The following TXLNB variants were observed in gnomAD, a reference collection of about 807,000 sequenced individuals.
The protein encoded by TXLNB is taxilin beta, also known as beta-taxilin.
Under a neutral mutation model 57.4 loss-of-function variants are expected in TXLNB, and 37 were observed. That is an observed-to-expected ratio of 0.64 (90% CI 0.50 to 0.85). The LOEUF (loss-of-function observed/expected upper bound fraction) is 0.85, where lower values mean the gene tolerates loss of function less well. TXLNB is among the 40% of genes least tolerant of loss of function. TXLNB has a pLI of 0.00. For synonymous variants in TXLNB, 302 were observed against 309.6 expected, an observed-to-expected ratio of 0.98 and a Z score of 0.26; for missense variants, 848 against 825.6, an observed-to-expected ratio of 1.03 and a Z score of -0.33.
intron 4 of TXLNB, among the ~76,000 whole-genome samples, chr6:139,268,633 T>C (rs1423916661): frequency 1.3e-5 from 2 of 152,238 alleles, no homozygotes; most frequent in East Asian, 3.8e-4. Flanking sequence ...CCAATTTGGA[T>C]TGCTGAGTGT....
At position 139,262,616 on chromosome 6, in the gene TXLNB, A is replaced by G; in HGVS notation, c.845T>C (p.Leu282Pro). 1 of 1,614,032 alleles carries G rather than the reference A, an allele frequency of 6.2e-7. No homozygotes were observed. Among genetic ancestry groups the G allele is most frequent in the Non-Finnish European group, 8.5e-7 (1 of 1,179,970 alleles). ...CQENTELAEK[L>P]KSIIDQYELR... ...CTCATACTGATCGATGATGCTTTTC[A>G]GCTTTTCTGCAAGCTCTGTGTTCTC... Residue 282 changes from leucine (L) to proline (P), a missense_variant, in exon 5 of 10, where the codon CTG becomes CCG. Physicochemically the swap from Leu to Pro is moderately conservative, Grantham distance 98. Transcript: ENST00000358430.
the TXLNB span, among the ~76,000 whole-genome samples, chr6:139,308,917 GTCT>G: frequency 1.1e-4 from 17 of 152,122 alleles, no homozygotes; most frequent in Non-Finnish European, 1.6e-4. Flanking sequence ...TAGCATCCAA[GTCT>G]TCTTTCTATT....
rs1278178708 is a variant in TXLNB at position 139,284,610 on chromosome 6, A to G, written c.424+3866T>C. Among the ~76,000 whole-genome samples the G allele has an allele frequency of 2.1e-5, 3 of 145,858 alleles. 1 individual carries two copies. Among genetic ancestry groups the G allele is most frequent in the African/African-American group, 7.6e-5 (3 of 39,646 alleles). On this transcript the variant is annotated intron_variant, in intron 2 of 9. Coordinates refer to ENST00000358430, the MANE Select transcript of TXLNB (RefSeq NM_153235.4). The stretch of plus-strand genomic sequence containing the variant: ...ATAGGTAGAAATTTCTAGGCAAAGA[A>G]ACTAGAATGTGCACAGGCCTTGTGG...
At chr6:139,323,523 T>A in the TXLNB span, among the ~76,000 whole-genome samples, 2 of 152,176 alleles carry the variant, frequency 1.3e-5, no homozygotes, top group Admixed American at 6.5e-5. Flanking sequence ...GACCTCGTGA[T>A]CCGCCCGCCT....
chr6:139,174,974 A>G, the TXLNB span, among the ~76,000 whole-genome samples: 5 of 152,188 alleles, frequency 3.3e-5, no homozygotes, highest in African/African-American at 9.7e-5. Flanking sequence ...ATTCAAAAGG[A>G]AGAAAGTCAC....
the TXLNB span, among the ~76,000 whole-genome samples, chr6:139,226,457 C>T: frequency 2.0e-5 from 3 of 151,722 alleles, no homozygotes; most frequent in African/African-American, 7.3e-5. Flanking sequence ...AAATTGAACA[C>T]TATTAAAATT....
At chr6:139,318,083 C>A in the TXLNB span, among the ~76,000 whole-genome samples, 2 of 151,702 alleles carry the variant, frequency 1.3e-5, no homozygotes, top group African/African-American at 4.8e-5. Context: ...TCCTGGCTAA[C>A]ACAGTGAAAC....
At chr6:139,222,601 GT>G in the TXLNB span, among the ~76,000 whole-genome samples, 7 of 152,186 alleles carry the variant, frequency 4.6e-5, no homozygotes, top group South Asian at 1.4e-3. Context: ...GAAGTCAGGA[GT>G]TTGAGACCAG....
the TXLNB span, among the ~76,000 whole-genome samples, chr6:139,204,141 C>T: frequency 6.6e-6 from 1 of 152,096 alleles, no homozygotes; most frequent in African/African-American, 2.4e-5. Flanking sequence ...ACCTCCACCT[C>T]CCAGGTTCAA....
At chr6:139,225,962 G>A in the TXLNB span, among the ~76,000 whole-genome samples, 3 of 152,120 alleles carry the variant, frequency 2.0e-5, no homozygotes, top group African/African-American at 4.8e-5. Context: ...TGGTATTGGT[G>A]CAAGGATAAA....
the TXLNB span, among the ~76,000 whole-genome samples, chr6:139,182,030 A>G: frequency 6.6e-6 from 1 of 152,226 alleles, no homozygotes; most frequent in African/African-American, 2.4e-5. Context: ...ATGCTTCTTC[A>G]TTATAAGCAA....
At chr6:139,224,301 TG>T in the TXLNB span, among the ~76,000 whole-genome samples, 48 of 60,872 alleles carry the variant, frequency 7.9e-4, 1 homozygote, top group African/African-American at 2.7e-3. Context: ...TATTGTGGGG[TG>T]GGGGGAGGGG....
At chr6:139,231,190 T>C in the TXLNB span, among the ~76,000 whole-genome samples, 1 of 152,334 alleles carries the variant, frequency 6.6e-6, no homozygotes, top group South Asian at 2.1e-4. Flanking sequence ...AGCAAGAACC[T>C]ACACTCTCTA....
At chr6:139,209,775 C>T in the TXLNB span, among the ~76,000 whole-genome samples, 1 of 152,118 alleles carries the variant, frequency 6.6e-6, no homozygotes, top group Admixed American at 6.5e-5. Flanking sequence ...TAGAAGATAA[C>T]ATTGGAAAAA....
At chr6:139,238,460 A>G (rs945447028), downstream of TXLNB, among the ~76,000 whole-genome samples, 4 of 152,224 alleles carry the variant, frequency 2.6e-5, no homozygotes, top group Admixed American at 6.5e-5. Flanking sequence ...AACTTAGGTC[A>G]AATTTTATAC....
the TXLNB span, among the ~76,000 whole-genome samples, chr6:139,168,580 T>C: frequency 4.1e-4 from 63 of 152,214 alleles, 1 homozygote; most frequent in African/African-American, 1.3e-3. Flanking sequence ...ACCCTCCTGC[T>C]TCTACCTGTC....
At chr6:139,257,195 TTG>T (rs138744356) in intron 6 of TXLNB, among the ~76,000 whole-genome samples, 10 of 151,820 alleles carry the variant, frequency 6.6e-5, no homozygotes, top group African/African-American at 2.2e-4. Context: ...GTTGTTAGGC[TTG>T]TGTGTGTGTG....
the TXLNB span, among the ~76,000 whole-genome samples, chr6:139,167,547 G>C: frequency 6.6e-6 from 1 of 152,274 alleles, no homozygotes; most frequent in East Asian, 1.9e-4. Context: ...AATTTTGTGT[G>C]TTCTGTAATT....
the TXLNB span, among the ~76,000 whole-genome samples, chr6:139,216,050 G>T: frequency 1.7e-4 from 26 of 152,270 alleles, no homozygotes; most frequent in East Asian, 4.8e-3. Context: ...TTCAACCATT[G>T]TGGAAGTCAG....
Sources: gnomAD v4.1 joint callset for allele counts (sites outside exome capture counted in the v4.1 genomes callset) on GRCh38, gnomAD v4.1.1 for gene constraint, MANE v1.5 for transcripts, NCBI Gene and HGNC (gene_info 2026-07-23, HGNC 2026-07-21) for gene names.